Variants in KCND2 observed in about 807,000 individuals in gnomAD.
KCND2 encodes the protein A-type voltage-gated potassium channel KCND2.
A neutral mutation model predicts 54.4 loss-of-function variants in KCND2; 16 were observed. The ratio of observed to expected loss-of-function variants is 0.29; its 90% confidence interval spans 0.20 to 0.45. The LOEUF is 0.45. KCND2 is among the 20% of genes least tolerant of loss of function. The pLI is 1.00. For missense variants in KCND2, 486 were observed against 824.2 expected (o/e 0.59, Z 5.02); for synonymous variants, 317 against 310.7 (o/e 1.02, Z -0.21).
chr7:120,385,788 C>A (rs1440877267), intron 1 of KCND2, among the ~76,000 whole-genome samples: 1 of 152,074 alleles, frequency 6.6e-6, no homozygotes. Flanking sequence ...TTTTCTCTGC[C>A]ATATACCGGT....
intron 1 of KCND2, among the ~76,000 whole-genome samples, chr7:120,522,083 C>A (rs1295559403): frequency 2.0e-5 from 3 of 152,172 alleles, no homozygotes; most frequent in African/African-American, 7.2e-5. Flanking sequence ...AGCTTCCAAT[C>A]TGACTTTTTG....
chr7:120,451,905 A>T (rs571006270), intron 1 of KCND2, among the ~76,000 whole-genome samples: 1 of 152,254 alleles, frequency 6.6e-6, no homozygotes, highest in Non-Finnish European at 1.5e-5. Flanking sequence ...ATAGGTACCG[A>T]TTAATCAAGA....
chr7:120,451,390 CAGA>C (rs1423411420), intron 1 of KCND2, among the ~76,000 whole-genome samples: 2 of 152,008 alleles, frequency 1.3e-5, no homozygotes, highest in Non-Finnish European at 2.9e-5. Context: ...TAATTCTTTG[CAGA>C]AGAAGTGAGA....
intron 1 of KCND2, among the ~76,000 whole-genome samples, chr7:120,392,542 C>T (rs1801094104): frequency 6.6e-6 from 1 of 151,350 alleles, no homozygotes; most frequent in Non-Finnish European, 1.5e-5. Flanking sequence ...TAAATTTAGA[C>T]CTACTAATAG....
chr7:120,595,417 C>T (rs1792725891), intron 1 of KCND2, among the ~76,000 whole-genome samples: 1 of 148,576 alleles, frequency 6.7e-6, no homozygotes, highest in African/African-American at 2.5e-5. Flanking sequence ...CACCACTGCA[C>T]TCCAGCCTGG....
At chr7:120,468,702 C>T (rs531640119) in intron 1 of KCND2, among the ~76,000 whole-genome samples, 1 of 152,060 alleles carries the variant, frequency 6.6e-6, no homozygotes, top group South Asian at 2.1e-4. Context: ...TATTTTTTAA[C>T]ATTGAATTGG....
intron 1 of KCND2, among the ~76,000 whole-genome samples, chr7:120,565,132 A>G (rs1345900564): frequency 3.3e-5 from 5 of 152,182 alleles, no homozygotes; most frequent in African/African-American, 9.6e-5. Flanking sequence ...TTTTCACATG[A>G]CTGTTTGCCA....
intron 1 of KCND2, among the ~76,000 whole-genome samples, chr7:120,385,786 G>A (rs1800979256): frequency 6.6e-6 from 1 of 152,086 alleles, no homozygotes. Context: ...AGTTTTCTCT[G>A]CCATATACCG....
intron 1 of KCND2, among the ~76,000 whole-genome samples, chr7:120,346,683 C>T (rs1256182756): frequency 6.6e-6 from 1 of 151,894 alleles, no homozygotes; most frequent in East Asian, 1.9e-4. Flanking sequence ...CTCTCTCTCT[C>T]TGTCTCTTTC....
intron 1 of KCND2, among the ~76,000 whole-genome samples, chr7:120,617,450 C>T (rs994714819): frequency 6.6e-6 from 1 of 152,128 alleles, no homozygotes; most frequent in Non-Finnish European, 1.5e-5. Flanking sequence ...GATTCTATTT[C>T]ACACCAGTCA....
At chr7:120,322,185 A>G (rs574879974) in intron 1 of KCND2, among the ~76,000 whole-genome samples, 107 of 152,116 alleles carry the variant, frequency 7.0e-4, no homozygotes, top group African/African-American at 2.4e-3. Flanking sequence ...TTTAAAAAAA[A>G]GCATAATTAA....
chr7:120,575,904 G>A (rs1366861512), intron 1 of KCND2, among the ~76,000 whole-genome samples: 1 of 49,094 alleles, frequency 2.0e-5, no homozygotes, highest in Non-Finnish European at 5.2e-5. Context: ...GTTTAGCAAT[G>A]TCTAAGGTTC....
chr7:120,609,043 C>T (rs1453503175), intron 1 of KCND2, among the ~76,000 whole-genome samples: 1 of 151,990 alleles, frequency 6.6e-6, no homozygotes, highest in Non-Finnish European at 1.5e-5. Flanking sequence ...GGGATATAAC[C>T]TTGGTTTTCA....
At chr7:120,283,104 A>G (rs1404129698) in intron 1 of KCND2, among the ~76,000 whole-genome samples, 2 of 152,192 alleles carry the variant, frequency 1.3e-5, no homozygotes, top group Non-Finnish European at 2.9e-5. Flanking sequence ...AAGTGATGAA[A>G]TGACTTTCTG....
intron 1 of KCND2, among the ~76,000 whole-genome samples, chr7:120,418,679 G>A (rs1019819575): frequency 1.3e-5 from 2 of 152,072 alleles, no homozygotes; most frequent in African/African-American, 2.4e-5. Flanking sequence ...AGAATCACTG[G>A]CATGTCTGAC....
intron 1 of KCND2, among the ~76,000 whole-genome samples, chr7:120,607,732 G>A (rs533678435): frequency 6.6e-6 from 1 of 152,204 alleles, no homozygotes; most frequent in Admixed American, 6.6e-5. Flanking sequence ...AGGAAAGACT[G>A]CTTGAAAGAA....
intron 1 of KCND2, among the ~76,000 whole-genome samples, chr7:120,697,169 G>A (rs978079114): frequency 6.6e-6 from 1 of 152,120 alleles, no homozygotes; most frequent in African/African-American, 2.4e-5. Context: ...TATGGTTTAT[G>A]TGTTTTCTCC....
At chr7:120,429,764 T>G (rs1390249048) in intron 1 of KCND2, among the ~76,000 whole-genome samples, 1 of 152,144 alleles carries the variant, frequency 6.6e-6, no homozygotes, top group Non-Finnish European at 1.5e-5. Flanking sequence ...ATTTAAATGT[T>G]CAAGTAAAAA....
chr7:120,543,045 C>T (rs1791998159), intron 1 of KCND2, among the ~76,000 whole-genome samples: 1 of 151,974 alleles, frequency 6.6e-6, no homozygotes, highest in Non-Finnish European at 1.5e-5. Context: ...ACAGTATTGA[C>T]ATGTATTATA....
Sources: allele counts gnomAD v4.1 joint callset (sites outside exome capture counted in the v4.1 genomes callset), GRCh38; gene constraint gnomAD v4.1.1; transcripts MANE v1.5; gene names NCBI Gene and HGNC (gene_info 2026-07-23, HGNC 2026-07-21).